Variants in C19orf38 observed in about 807,000 individuals in gnomAD.
C19orf38 encodes protein HIDE1.
C19orf38 carries 14 observed loss-of-function variants against 26.6 expected under a neutral mutation model. The ratio of observed to expected loss-of-function variants is 0.53; its 90% confidence interval spans 0.35 to 0.82. The LOEUF is 0.82. Among genes scored for constraint, C19orf38 ranks in the 40% least tolerant of loss-of-function variants. The pLI is 0.01. For synonymous variants in C19orf38, 132 were observed against 128.5 expected, an observed-to-expected ratio of 1.03 and a Z score of -0.18; for missense variants, 261 against 299.5, an observed-to-expected ratio of 0.87 and a Z score of 0.95.
intron 1 of C19orf38, among the ~76,000 whole-genome samples, chr19:10,841,007 G>C (rs953316289): frequency 1.3e-5 from 2 of 151,806 alleles, no homozygotes; most frequent in Non-Finnish European, 2.9e-5. Context: ...TTTCCCAAAT[G>C]ATTAGTAAGG....
chr19:10,860,132 C>A, intron 5 of C19orf38, 174 bp downstream of exon 5: 2 of 662,054 alleles, frequency 3.0e-6, no homozygotes, highest in Non-Finnish European at 5.2e-6. Flanking sequence ...TTTGACTTAA[C>A]CTAAAGGTCA....
Position 10,843,096 on chromosome 19 carries a change from A to C in C19orf38, c.-68-5345A>C, listed in dbSNP as rs148852463. ...GATCCGGGGCTTTTTATGGACTCAG[A>C]ATGGGGAATGTGTGCTGATTGGATT... On this transcript the variant is annotated intron_variant, in intron 1 of 7. Coordinates refer to the C19orf38 transcript ENST00000592854. 1.5e-4 allele frequency among the ~76,000 whole-genome samples: 23 copies of C among 152,276 alleles called. 1 individual carries two copies. In the Middle Eastern group the frequency reaches 0.01, roughly 68 times the overall value.
At chr19:10,867,450 CAAAAA>C (rs536371317) in intron 6 of C19orf38, among the ~76,000 whole-genome samples, 1 of 90,834 alleles carries the variant, frequency 1.1e-5, no homozygotes, top group Non-Finnish European at 2.3e-5. Context: ...ACTAAAACTA[CAAAAA>C]AAAAAAAAAA....
At chr19:10,854,352 C>G (rs1488486097) in intron 2 of C19orf38, among the ~76,000 whole-genome samples, 1 of 152,156 alleles carries the variant, frequency 6.6e-6, no homozygotes, top group Non-Finnish European at 1.5e-5. Flanking sequence ...CCATGAGCCA[C>G]CGCGCCTGGC....
chr19:10,848,428 T>C lies in C19orf38; in HGVS notation c.-81T>C, dbSNP rs1912917227. The C allele has an allele frequency of 1.4e-6, 2 of 1,442,348 alleles. No homozygotes were observed. The highest frequency in any genetic ancestry group is 1.2e-5 in the South Asian group (1 of 81,828). 89.3% of individuals were successfully genotyped at this position (1,442,348 alleles called of 1,614,324 possible). The stretch of plus-strand genomic sequence containing the variant: ...TCAGCCCTGGTTCTCCTTTCCCCGA[T>C]CTGGCCTCACAGGAGGAGTTGGCGG... On this transcript the variant is annotated 5_prime_UTR_variant, in exon 1 of 7. Coordinates refer to ENST00000397820, the MANE Select transcript of C19orf38 (RefSeq NM_001136482.3).
intron 2 of C19orf38, among the ~76,000 whole-genome samples, chr19:10,855,292 C>T (rs895411522): frequency 1.4e-4 from 21 of 152,036 alleles, no homozygotes; most frequent in Admixed American, 9.8e-4. Flanking sequence ...CTCAGTCTCC[C>T]AAAGGGCTGG....
chr19:10,859,294 A>ATATG (rs1395394826), intron 4 of C19orf38, among the ~76,000 whole-genome samples: 12 of 103,536 alleles, frequency 1.2e-4, no homozygotes, highest in Middle Eastern at 5.3e-3. Flanking sequence ...GTGTGTGTAT[A>ATATG]TGTGTGTGTG....
At position 10,858,304 on chromosome 19, in the gene C19orf38, T is replaced by G. The variant is rs2073652908; in HGVS notation, c.434-12T>G. The stretch of plus-strand genomic sequence containing the variant: ...CAAAATCTAACACATGCTCATTTCT[T>G]TTTTGTTCCAGTTAAACTCAGAAAT... On this transcript the variant is annotated splice_polypyrimidine_tract_variant and intron_variant, in intron 3 of 6. Coordinates refer to ENST00000397820, the MANE Select transcript of C19orf38 (RefSeq NM_001136482.3). 6.5e-7 allele frequency: 1 copy of G among 1,544,396 alleles called. No homozygotes were observed. Among genetic ancestry groups the G allele is most frequent in the Admixed American group, 2.0e-5 (1 of 50,692 alleles).
intron 1 of C19orf38, 84 bp downstream of exon 1, chr19:10,848,623 G>C: frequency 1.5e-6 from 2 of 1,348,114 alleles, no homozygotes; most frequent in Non-Finnish European, 2.1e-6. Flanking sequence ...GCAGAAACCA[G>C]TGCAGGGGCT....
chr19:10,843,598 G>C (rs2073494336), upstream of C19orf38, among the ~76,000 whole-genome samples: 1 of 150,980 alleles, frequency 6.6e-6, no homozygotes, highest in African/African-American at 2.4e-5. Flanking sequence ...ATGATGCTCA[G>C]TACTCAGTTG....
chr19:10,853,670 A>C (rs1364315727), intron 2 of C19orf38, among the ~76,000 whole-genome samples: 2 of 137,274 alleles, frequency 1.5e-5, no homozygotes, highest in African/African-American at 5.6e-5. Context: ...GCTCACTGCA[A>C]CCTCTGCCTC....
intron 2 of C19orf38, among the ~76,000 whole-genome samples, chr19:10,851,892 C>T (rs1450930778): frequency 1.0e-4 from 15 of 149,544 alleles, no homozygotes; most frequent in Admixed American, 6.7e-4. Context: ...GGCGTGAACC[C>T]GGGAAGCAGA....
intron 1 of C19orf38, among the ~76,000 whole-genome samples, chr19:10,839,534 T>A (rs141147669): frequency 1.3e-5 from 2 of 152,308 alleles, no homozygotes; most frequent in East Asian, 3.9e-4. Context: ...CAACTAGCTA[T>A]GTGCTTTTTG....
intron 4 of C19orf38, among the ~76,000 whole-genome samples, chr19:10,859,290 G>GTGTGTGTGTGTGTGTA (rs1555721420): frequency 1.5e-5 from 2 of 131,502 alleles, no homozygotes; most frequent in African/African-American, 5.8e-5. Context: ...ATGTGTGTGT[G>GTGTGTGTGTGTGTGTA]TATATGTGTG....
chr19:10,845,103 G>A (rs1004316506), upstream of C19orf38, among the ~76,000 whole-genome samples: 7 of 151,390 alleles, frequency 4.6e-5, no homozygotes, highest in Middle Eastern at 3.4e-3. Flanking sequence ...ACTGCAGTGA[G>A]CCATGATTAT....
chr19:10,848,768 A>G (rs116486133), intron 1 of C19orf38, among the ~76,000 whole-genome samples: 151 of 152,018 alleles, frequency 9.9e-4, no homozygotes, highest in African/African-American at 3.3e-3. Flanking sequence ...TATCAGAAAT[A>G]TCACCCCTCT....
intron 6 of C19orf38, 89 bp from the exon 7 acceptor site, chr19:10,869,129 G>C (rs2073778973): frequency 6.7e-7 from 1 of 1,493,652 alleles, no homozygotes; most frequent in Non-Finnish European, 9.1e-7. Flanking sequence ...CTGCTGGGCT[G>C]GCAGAGTCTC....
At chr19:10,837,786 C>T (rs1270767681) in intron 1 of C19orf38, among the ~76,000 whole-genome samples, 1 of 151,490 alleles carries the variant, frequency 6.6e-6, no homozygotes, top group Non-Finnish European at 1.5e-5. Flanking sequence ...GGATTGTAGG[C>T]GTGAGCCACT....
upstream of C19orf38, among the ~76,000 whole-genome samples, chr19:10,847,953 G>A (rs2073531367): frequency 6.6e-6 from 1 of 152,018 alleles, no homozygotes; most frequent in Admixed American, 6.6e-5. Context: ...AGCACTTTGG[G>A]AGGCTGGGGC....
Sources: gnomAD v4.1 joint callset for allele counts (sites outside exome capture counted in the v4.1 genomes callset) on GRCh38, gnomAD v4.1.1 for gene constraint, MANE v1.5 for transcripts, NCBI Gene and HGNC (gene_info 2026-07-23, HGNC 2026-07-21) for gene names.